The following DPYS variants were observed in gnomAD, a reference collection of about 807,000 sequenced individuals.
The protein encoded by DPYS is dihydropyrimidine amidohydrolase.
Under a neutral mutation model 50.3 loss-of-function variants are expected in DPYS, and 39 were observed. The observed-to-expected ratio is 0.78, with a 90% confidence interval of 0.60 to 1.01. DPYS has a LOEUF of 1.01. DPYS is among the 50% of genes least tolerant of loss of function. The probability of loss-of-function intolerance (pLI) is 0.00; values close to 1 mark genes in which losing one functional copy is unlikely to be tolerated. For synonymous variants in DPYS, 245 were observed against 250.7 expected (o/e 0.98, Z 0.22); for missense variants, 659 against 680.9 (o/e 0.97, Z 0.36).
rs917681019 is a variant in DPYS at position 104,466,722 on chromosome 8, G to T, written c.199C>A (p.His67Asn). Residue 67 changes from histidine (H) to asparagine (N), a missense_variant, in exon 1 of 10, where the codon CAC (histidine) becomes AAC (asparagine). His to Asn is a moderately conservative substitution (Grantham distance 68). Coordinates refer to ENST00000351513, the MANE Select transcript of DPYS (RefSeq NM_001385.3). Reference sequence around the variant, plus strand: ...ATGAAGGGGAACTGCATGTGCGTGTGTGTGTCGATGCCTCCGGGCAGGACG... The same window carrying T: ...ATGAAGGGGAACTGCATGTGCGTGTTTGTGTCGATGCCTCCGGGCAGGACG... ...KLVLPGGIDT[H>N]THMQFPFMGS... is the part of the protein sequence containing the mutation. 8 of 1,536,188 alleles carry T rather than the reference G, an allele frequency of 5.2e-6. No individual in the cohort carries two copies. Among genetic ancestry groups the T allele is most frequent in the Non-Finnish European group, 7.0e-6 (8 of 1,145,688 alleles).
chr8:104,404,840 A>G (rs1482947490), intron 7 of DPYS, among the ~76,000 whole-genome samples: 1 of 152,276 alleles, frequency 6.6e-6, no homozygotes. Context: ...CTAGCAACAG[A>G]GTCCATATGG....
chr8:104,410,254 C>T (rs1039490858), intron 7 of DPYS, among the ~76,000 whole-genome samples: 3 of 152,082 alleles, frequency 2.0e-5, no homozygotes, highest in Admixed American at 6.6e-5. Flanking sequence ...TTATCCCCTC[C>T]GGCCAGACTC....
rs773627333 is a variant in DPYS, at chr8:104,451,271, A to C, written c.398T>G (p.Val133Gly). 1 of 1,614,102 alleles carries C rather than the reference A, an allele frequency of 6.2e-7. No homozygotes were observed. Among genetic ancestry groups the C allele is most frequent in the Non-Finnish European group, 8.5e-7 (1 of 1,180,024 alleles). Residue 133 changes from valine to glycine, a missense_variant, in exon 2 of 10, where the codon GTG becomes GGG. Val to Gly is a moderately radical substitution (Grantham distance 109). Coordinates refer to ENST00000351513, the MANE Select transcript of DPYS (RefSeq NM_001385.3). ...CTGGTCACTCCACCACGTCACTGCCACATGAAGGCTGTAGTCGCAGCAAAC... is the reference window on the plus strand; with the variant it reads ...CTGGTCACTCCACCACGTCACTGCCCCATGAAGGCTGTAGTCGCAGCAAAC... ...PKVCCDYSLH[V>G]AVTWWSDQVK...
intron 2 of DPYS, among the ~76,000 whole-genome samples, chr8:104,450,950 C>T (rs1813715576): frequency 6.6e-6 from 1 of 152,132 alleles, no homozygotes. Context: ...GTATATTAAA[C>T]ATTACACTTA....
At chr8:104,399,091 G>A (rs531685379) in intron 7 of DPYS, among the ~76,000 whole-genome samples, 9 of 152,090 alleles carry the variant, frequency 5.9e-5, no homozygotes, top group Non-Finnish European at 1.3e-4. Flanking sequence ...AGGAGTTCGA[G>A]ACCAGCCTGG....
rs1430900344 is a variant in DPYS at position 104,391,925 on chromosome 8, T to A, written c.1443+859A>T. Among the ~76,000 whole-genome samples, 4 of 151,554 alleles carry A rather than the reference T, an allele frequency of 2.6e-5. No individual in the cohort carries two copies. In the East Asian group the frequency reaches 7.7e-4, roughly 29 times the overall value. On this transcript the variant is annotated intron_variant, in intron 8 of 9. Coordinates refer to ENST00000351513, the MANE Select transcript of DPYS (RefSeq NM_001385.3). ...ACTGCTTTGGGCCATGCCTTTCATT[T>A]AAAAAAAAACCCATTTGAGTGTCAC...
At chr8:104,404,268 T>C (rs969672640) in intron 7 of DPYS, among the ~76,000 whole-genome samples, 16 of 152,274 alleles carry the variant, frequency 1.1e-4, no homozygotes, top group South Asian at 4.1e-4. Flanking sequence ...CCCAGCTCAT[T>C]TGAACCTCAA....
chr8:104,439,118 A>G (rs1167808686), intron 4 of DPYS, among the ~76,000 whole-genome samples: 2 of 152,148 alleles, frequency 1.3e-5, no homozygotes, highest in African/African-American at 4.8e-5. Flanking sequence ...GTAAAATTAA[A>G]TATATCATTT....
At chr8:104,393,088 G>T (rs976548793) in intron 7 of DPYS, 97 bp from the exon 8 acceptor site, 27 of 1,129,518 alleles carry the variant, frequency 2.4e-5, no homozygotes, top group Non-Finnish European at 3.5e-5. Flanking sequence ...AGAAAACTTA[G>T]CAACTCTATT....
intron 7 of DPYS, chr8:104,420,922 CTT>C (rs1175073220): frequency 6.6e-6 from 1 of 152,202 alleles, no homozygotes; most frequent in Non-Finnish European, 1.5e-5. Context: ...CATATCTTGT[CTT>C]TGTGTAACAC....
intron 7 of DPYS, among the ~76,000 whole-genome samples, chr8:104,415,824 T>C (rs909030048): frequency 2.0e-5 from 3 of 152,168 alleles, no homozygotes; most frequent in African/African-American, 4.8e-5. Context: ...AATTATAGTA[T>C]CTTTTGGTCC....
intron 4 of DPYS, among the ~76,000 whole-genome samples, chr8:104,432,950 G>A (rs758479078): frequency 3.9e-5 from 6 of 152,188 alleles, no homozygotes; most frequent in Admixed American, 6.5e-5. Context: ...TTGGAAAAAG[G>A]ATCTTTATGG....
intron 1 of DPYS, among the ~76,000 whole-genome samples, chr8:104,462,061 A>G (rs1814191604): frequency 6.6e-6 from 1 of 152,164 alleles, no homozygotes; most frequent in Non-Finnish European, 1.5e-5. Flanking sequence ...AAAGCAGTTG[A>G]TTCATTTAAC....
intron 1 of DPYS, among the ~76,000 whole-genome samples, chr8:104,457,289 C>T (rs913665862): frequency 1.1e-4 from 17 of 152,172 alleles, no homozygotes; most frequent in African/African-American, 3.4e-4. Flanking sequence ...GCGTCTATAG[C>T]ATGAATGTGC....
intron 4 of DPYS, among the ~76,000 whole-genome samples, chr8:104,436,914 A>C (rs1418671037): frequency 6.6e-6 from 1 of 152,128 alleles, no homozygotes; most frequent in Admixed American, 6.5e-5. Context: ...AAAACATTAA[A>C]AAGAATACGG....
chr8:104,394,837 G>A (rs1811524227), intron 7 of DPYS, among the ~76,000 whole-genome samples: 1 of 147,314 alleles, frequency 6.8e-6, no homozygotes, highest in Admixed American at 6.9e-5. Context: ...GTATGTCAGG[G>A]AGATCGTTTA....
chr8:104,435,499 A>G (rs1195264078), intron 4 of DPYS, among the ~76,000 whole-genome samples: 3 of 151,570 alleles, frequency 2.0e-5, no homozygotes, highest in Non-Finnish European at 2.9e-5. Flanking sequence ...GGTTTTTCCC[A>G]TTGAAAGTAA....
chr8:104,409,836 G>A (rs1425285582), intron 7 of DPYS, among the ~76,000 whole-genome samples: 2 of 152,210 alleles, frequency 1.3e-5, no homozygotes, highest in Admixed American at 6.5e-5. Flanking sequence ...GGAGGAAAGA[G>A]CCTCGAAGAG....
intron 4 of DPYS, among the ~76,000 whole-genome samples, chr8:104,434,232 A>T (rs1813051410): frequency 6.6e-6 from 1 of 152,218 alleles, no homozygotes; most frequent in African/African-American, 2.4e-5. Context: ...TTGGATTATG[A>T]TAAGGGGCGG....
Sources: allele counts gnomAD v4.1 joint callset (sites outside exome capture counted in the v4.1 genomes callset), GRCh38; gene constraint gnomAD v4.1.1; transcripts MANE v1.5; gene names NCBI Gene and HGNC (gene_info 2026-07-23, HGNC 2026-07-21).